GOLM2: variants seen among roughly 807,000 people sequenced by gnomAD.
The protein encoded by GOLM2 is golgi membrane protein 2, also known as protein GOLM2.
A neutral mutation model predicts 55.9 loss-of-function variants in GOLM2; 26 were observed. That is an observed-to-expected ratio of 0.47 (90% CI 0.34 to 0.65). The LOEUF (loss-of-function observed/expected upper bound fraction) is 0.65. Ranked by LOEUF, GOLM2 falls within the 30% of genes least tolerant of loss-of-function variation. The probability of loss-of-function intolerance (pLI) is 0.01; values close to 1 mark genes in which losing one functional copy is unlikely to be tolerated. For missense variants in GOLM2, 486 were observed against 531.8 expected, an observed-to-expected ratio of 0.91 and a Z score of 0.85; for synonymous variants, 165 against 194.6, an observed-to-expected ratio of 0.85 and a Z score of 1.27.
At chr15:44,396,439 T>A (rs2079527570) in intron 8 of GOLM2, among the ~76,000 whole-genome samples, 1 of 152,204 alleles carries the variant, frequency 6.6e-6, no homozygotes, top group South Asian at 2.1e-4. Flanking sequence ...AACATTTGCT[T>A]TCTCATACCT....
intron 1 of GOLM2, among the ~76,000 whole-genome samples, chr15:44,315,898 G>A (rs2078906161): frequency 6.6e-6 from 1 of 152,192 alleles, no homozygotes; most frequent in Admixed American, 6.5e-5. Context: ...AATTAAAATT[G>A]TGCAAATATG....
intron 1 of GOLM2, among the ~76,000 whole-genome samples, chr15:44,291,788 C>G (rs2078722398): frequency 6.6e-6 from 1 of 152,130 alleles, no homozygotes; most frequent in African/African-American, 2.4e-5. Context: ...GCAGTATTCC[C>G]CAAAGTAGTG....
chr15:44,347,400 A>G (rs913818597), intron 6 of GOLM2, among the ~76,000 whole-genome samples: 4 of 152,156 alleles, frequency 2.6e-5, no homozygotes, highest in South Asian at 2.1e-4. Flanking sequence ...GAGAGAATCT[A>G]TACACTTCCA....
At chr15:44,369,086 T>A (rs2079308797) in intron 6 of GOLM2, among the ~76,000 whole-genome samples, 1 of 77,724 alleles carries the variant, frequency 1.3e-5, no homozygotes, top group Non-Finnish European at 2.7e-5. Flanking sequence ...TATATATATA[T>A]ATATATATAT....
At chr15:44,367,131 A>G (rs898339933) in intron 6 of GOLM2, among the ~76,000 whole-genome samples, 1 of 151,898 alleles carries the variant, frequency 6.6e-6, no homozygotes, top group Non-Finnish European at 1.5e-5. Flanking sequence ...TCATTTGTTT[A>G]TATATTGCCT....
At chr15:44,296,959 C>T (rs552985947) in intron 1 of GOLM2, among the ~76,000 whole-genome samples, 4 of 152,342 alleles carry the variant, frequency 2.6e-5, no homozygotes, top group African/African-American at 9.6e-5. Flanking sequence ...CAACTTTTAA[C>T]TGTAATTTCT....
intron 8 of GOLM2, among the ~76,000 whole-genome samples, chr15:44,392,546 C>T (rs1023693495): frequency 7.9e-5 from 12 of 151,714 alleles, no homozygotes; most frequent in Non-Finnish European, 1.6e-4. Context: ...TCGCTTGAAC[C>T]CGGGAGGCGG....
At chr15:44,331,567 T>C (rs927796743) in intron 3 of GOLM2, among the ~76,000 whole-genome samples, 6 of 152,212 alleles carry the variant, frequency 3.9e-5, no homozygotes, top group Non-Finnish European at 5.9e-5. Context: ...TAAACTACTA[T>C]TGGATGAATC....
chr15:44,295,275 T>C (rs1297121743), intron 1 of GOLM2, among the ~76,000 whole-genome samples: 2 of 152,130 alleles, frequency 1.3e-5, no homozygotes, highest in African/African-American at 4.8e-5. Context: ...AGACAGGGTT[T>C]CACCATGTTG....
At chr15:44,396,184 G>C (rs866177783) in intron 8 of GOLM2, among the ~76,000 whole-genome samples, 1 of 151,884 alleles carries the variant, frequency 6.6e-6, no homozygotes, top group Non-Finnish European at 1.5e-5. Context: ...GCGAAACCCC[G>C]TCTCTACTAA....
intron 6 of GOLM2, among the ~76,000 whole-genome samples, chr15:44,358,884 C>T (rs896783471): frequency 9.2e-5 from 14 of 152,128 alleles, no homozygotes; most frequent in Non-Finnish European, 1.3e-4. Context: ...TGGCCGGGCA[C>T]GGTGGCTCAC....
chr15:44,340,439 C>G (rs888867078), intron 6 of GOLM2, among the ~76,000 whole-genome samples: 1 of 151,954 alleles, frequency 6.6e-6, no homozygotes, highest in Non-Finnish European at 1.5e-5. Context: ...ATTTTTATTT[C>G]TGTAGAGACG....
intron 1 of GOLM2, among the ~76,000 whole-genome samples, chr15:44,293,844 T>A (rs1308376491): frequency 1.3e-5 from 2 of 152,152 alleles, no homozygotes; most frequent in East Asian, 3.9e-4. Context: ...ACTTAATGAG[T>A]GGGTAGTTAT....
At position 44,325,789 on chromosome 15, in the gene GOLM2, C is replaced by G. The variant is rs146502028; in HGVS notation, c.382+2770C>G. On this transcript the variant is annotated intron_variant, in intron 2 of 9. Coordinates refer to ENST00000299957, the MANE Select transcript of GOLM2 (RefSeq NM_138423.4). ...TCATTGTCTCTATAGAATCAGCATT[C>G]ATAGCTGGGGCCAGGGTTTCTGGTA... Among the ~76,000 whole-genome samples, 3 of 152,306 alleles carry G rather than the reference C, an allele frequency of 2.0e-5. No individual in the cohort carries two copies. In the East Asian group the frequency reaches 5.8e-4, roughly 29 times the overall value.
intron 8 of GOLM2, among the ~76,000 whole-genome samples, chr15:44,394,306 C>T (rs1259659282): frequency 1.3e-5 from 2 of 152,188 alleles, no homozygotes; most frequent in African/African-American, 4.8e-5. Context: ...TGCATCACAA[C>T]AGGGGATACA....
chr15:44,312,710 C>G (rs766959307), intron 1 of GOLM2, among the ~76,000 whole-genome samples: 3 of 152,124 alleles, frequency 2.0e-5, no homozygotes, highest in Non-Finnish European at 2.9e-5. Flanking sequence ...CTTTGGGAGG[C>G]CAAAGCAGGC....
At chr15:44,292,203 T>TATA (rs1567017705) in intron 1 of GOLM2, among the ~76,000 whole-genome samples, 16 of 128,558 alleles carry the variant, frequency 1.2e-4, no homozygotes, top group African/African-American at 4.5e-4. Context: ...ATATATATAT[T>TATA]TTTTTTTTTT....
chr15:44,391,814 A>C (rs181122957), intron 8 of GOLM2, among the ~76,000 whole-genome samples: 10 of 152,202 alleles, frequency 6.6e-5, no homozygotes, highest in Non-Finnish European at 8.8e-5. Context: ...ATATTTTGGT[A>C]CCTAAATGGT....
At position 44,318,129 on chromosome 15, in the gene GOLM2, A is replaced by G. The variant is rs547761483; in HGVS notation, c.328-4836A>G. On this transcript the variant is annotated intron_variant, in intron 1 of 9. Transcript: ENST00000299957. ...AATATGTAAACAAATTAGTGTGGCT[A>G]TTTTCCCATAAAACTTTATTTGTAG... is the stretch of plus-strand genomic sequence containing the variant. 7.2e-5 allele frequency among the ~76,000 whole-genome samples: 11 copies of G among 152,308 alleles called. 1 individual carries two copies. The South Asian group carries it at 1.9e-3, about 26-fold the overall frequency.
Sources: allele counts gnomAD v4.1 joint callset (sites outside exome capture counted in the v4.1 genomes callset), GRCh38; gene constraint gnomAD v4.1.1; transcripts MANE v1.5; gene names NCBI Gene and HGNC (gene_info 2026-07-23, HGNC 2026-07-21).